Variants in POLR2F observed in about 807,000 individuals in gnomAD.
POLR2F encodes RNA polymerase II, I and III subunit F.
In POLR2F, 12 loss-of-function variants were observed where a neutral mutation model predicts 22.7. The ratio of observed to expected loss-of-function variants is 0.53; its 90% CI spans 0.34 to 0.86. POLR2F has a LOEUF of 0.86. POLR2F is among the 40% of genes least tolerant of loss of function. POLR2F has a pLI of 0.02. For missense variants in POLR2F, 126 were observed against 171.5 expected, an observed-to-expected ratio of 0.73 and a Z score of 1.48; for synonymous variants, 57 against 66.0, an observed-to-expected ratio of 0.86 and a Z score of 0.66.
intron 5 of POLR2F, among the ~76,000 whole-genome samples, chr22:38,035,169 C>T (rs188762303): frequency 3.3e-5 from 5 of 152,350 alleles, no homozygotes; most frequent in South Asian, 2.1e-4. Flanking sequence ...CTCTCGGTCT[C>T]ACACCCTTCT....
intron 1 of POLR2F, among the ~76,000 whole-genome samples, chr22:38,000,107 T>A (rs2084755456): frequency 7.9e-5 from 12 of 152,210 alleles, no homozygotes. Flanking sequence ...CTCATCCTGC[T>A]GGTCCTGCCG....
chr22:37,983,352 C>A, upstream of POLR2F: 1 of 1,605,784 alleles, frequency 6.2e-7, no homozygotes, highest in Non-Finnish European at 8.5e-7. This position sits in a 1 kb window ranked among gnomAD's most constrained non-coding sequence, Gnocchi z 9.5. Flanking sequence ...CGGTCGGGTG[C>A]TCACCTCCAG....
chr22:37,991,965 G>GTGTGCAGGCAGCATGTGGGGAAGGAA (rs1333414414), intron 1 of POLR2F, among the ~76,000 whole-genome samples: 1 of 152,232 alleles, frequency 6.6e-6, no homozygotes. Flanking sequence ...GGAAGAGAAT[G>GTGTGCAGGCAGCATGTGGGGAAGGAA]TGTGCAGGCA....
In POLR2F at chr22:37,995,187, CA is replaced by C. The variant is rs1270738173; in HGVS notation, c.120+8876del. Among the ~76,000 whole-genome samples, 9 of 152,326 alleles carry C rather than the reference CA, an allele frequency of 5.9e-5. No homozygotes were observed. The East Asian group carries it at 9.6e-4, about 16-fold the overall frequency. On this transcript the variant is annotated intron_variant, in intron 1 of 2. Transcript: ENST00000333418. ...CTCTGACGTCTATCAGATTTGCTGT[CA>C]GGGGCTTTAGGGCTCTACTGAGACA...
upstream of POLR2F, among the ~76,000 whole-genome samples, chr22:37,981,596 G>A (rs1335260605): frequency 6.6e-6 from 1 of 152,202 alleles, no homozygotes; most frequent in Non-Finnish European, 1.5e-5. Context: ...GGAAAATGAG[G>A]TCCGTCCTTG....
intron 1 of POLR2F, among the ~76,000 whole-genome samples, chr22:38,015,401 T>C (rs767730730): frequency 1.3e-5 from 2 of 152,160 alleles, no homozygotes; most frequent in Admixed American, 6.5e-5. Context: ...TTCCTTCGTC[T>C]AGTTTGAGCT....
intron 1 of POLR2F, among the ~76,000 whole-genome samples, chr22:38,014,463 G>A (rs564473306): frequency 5.4e-4 from 81 of 149,128 alleles, no homozygotes; most frequent in Non-Finnish European, 1.0e-3. Context: ...TGATTATCCT[G>A]CCTCAGTCTC....
rs761439431 is a variant in POLR2F at position 37,986,612 on chromosome 22, C to T, written c.120+300C>T. ...AGACAGAAGGGGCCACTCCCTCTCT[C>T]TCTCCCTTGTCCCCGCACAGACACT... On this transcript the variant is annotated intron_variant, in intron 1 of 2. Coordinates refer to the POLR2F transcript ENST00000333418. This position sits in a 1 kb window ranked among gnomAD's most constrained non-coding sequence, Gnocchi z 4.7. The T allele has an allele frequency of 3.8e-4, 259 of 681,934 alleles. No homozygotes were observed. Among genetic ancestry groups the T allele is most frequent in the Non-Finnish European group, 6.1e-4 (229 of 374,998 alleles). The allele number at this position is 681,934 out of a possible 1,614,324, so 42.2% of individuals were successfully genotyped here. A position where few individuals can be genotyped will look rare whatever the true frequency, so the allele number is the denominator to read the frequency against.
At chr22:38,013,175 T>G (rs2084887153) in intron 1 of POLR2F, among the ~76,000 whole-genome samples, 1 of 152,066 alleles carries the variant, frequency 6.6e-6, no homozygotes, top group Non-Finnish European at 1.5e-5. Flanking sequence ...TCATATAGAT[T>G]CTCACTGTCG....
rs139880 is a variant in POLR2F, at chr22:37,968,924, T to C, written c.*1209T>C. The C allele has an allele frequency of 0.99, 976,107 of 985,424 alleles. 483,450 individuals carry two copies. The highest frequency in any genetic ancestry group is 1 in the Middle Eastern group (1,914 of 1,914). 61.0% of individuals were successfully genotyped at this position (985,424 alleles called of 1,614,324 possible). On this transcript the variant is annotated 3_prime_UTR_variant, in exon 5 of 5. Coordinates refer to ENST00000442738, the MANE Select transcript of POLR2F (RefSeq NM_021974.5). ...ATTCAGGGAGCAGTGGACTTCACAC[T>C]CCCATCCACCCTCCTCCAAGCCTGT...
chr22:37,995,562 T>C (rs2084705018), intron 1 of POLR2F, among the ~76,000 whole-genome samples: 1 of 152,218 alleles, frequency 6.6e-6, no homozygotes, highest in African/African-American at 2.4e-5. Context: ...GGATTAGTTG[T>C]TCATTGTCTG....
intron 1 of POLR2F, among the ~76,000 whole-genome samples, chr22:38,018,872 G>A (rs908437767): frequency 6.6e-6 from 1 of 152,222 alleles, no homozygotes; most frequent in Admixed American, 6.5e-5. Flanking sequence ...GGAGGCTGGG[G>A]TCAGATTCAG....
At chr22:38,040,824 T>G (rs2085164959) in intron 5 of POLR2F, 1 of 560,710 alleles carries the variant, frequency 1.8e-6, no homozygotes, top group African/African-American at 1.9e-5. Flanking sequence ...AGTTTGGGCT[T>G]GCTGTCCTGC....
chr22:37,957,212 A>G (rs1011333083), intron 2 of POLR2F, among the ~76,000 whole-genome samples: 1 of 152,154 alleles, frequency 6.6e-6, no homozygotes, highest in Non-Finnish European at 1.5e-5. Flanking sequence ...ATGAGGCAGT[A>G]TTTTGTAGCC....
chr22:37,986,175 G>A (rs1342314939), upstream of POLR2F: 12 of 1,541,972 alleles, frequency 7.8e-6, no homozygotes, highest in Admixed American at 2.0e-5. The surrounding 1 kb of genome is among the most constrained non-coding windows in gnomAD (Gnocchi z 4.7). Context: ...CCTCAGAACC[G>A]CCCGGAGAGG....
At chr22:38,032,361 C>T (rs1445844121) in intron 5 of POLR2F, 2 of 152,410 alleles carry the variant, frequency 1.3e-5, no homozygotes, top group African/African-American at 4.8e-5. Flanking sequence ...CAGCCATCTT[C>T]CCAGGAGAGC....
At chr22:38,010,614 T>G (rs1021381050) in intron 1 of POLR2F, among the ~76,000 whole-genome samples, 6 of 134,310 alleles carry the variant, frequency 4.5e-5, no homozygotes, top group South Asian at 2.6e-4. Flanking sequence ...TTTTTTTTTT[T>G]TTTTTTTTTT....
chr22:37,981,203 A>C (rs547324177), upstream of POLR2F, among the ~76,000 whole-genome samples: 29 of 152,170 alleles, frequency 1.9e-4, no homozygotes, highest in African/African-American at 6.7e-4. Context: ...TGCCTACCTA[A>C]CCACCCCACT....
chr22:37,974,100 C>A (rs1432621371), downstream of POLR2F: 1 of 1,613,730 alleles, frequency 6.2e-7, no homozygotes, highest in Non-Finnish European at 8.5e-7. This position sits in a 1 kb window ranked among gnomAD's most constrained non-coding sequence, Gnocchi z 5.4. Context: ...GGCTTCCCGC[C>A]CTCCCCCATG....
Sources: allele counts gnomAD v4.1 joint callset (sites outside exome capture counted in the v4.1 genomes callset), GRCh38; gene constraint gnomAD v4.1.1; non-coding constraint Gnocchi (gnomAD v3.1); transcripts MANE v1.5; gene names NCBI Gene and HGNC (gene_info 2026-07-23, HGNC 2026-07-21).